Variants in UGT1A7 observed in about 807,000 individuals in gnomAD.
The protein encoded by UGT1A7 is UDP glucuronosyltransferase family 1 member A7.
Under a neutral mutation model 45.6 loss-of-function variants are expected in UGT1A7, and 33 were observed. The observed-to-expected ratio is 0.72, with a 90% confidence interval of 0.55 to 0.97. The LOEUF (loss-of-function observed/expected upper bound fraction) is 0.97, where lower values mean the gene tolerates loss of function less well. Ranked by LOEUF, UGT1A7 falls within the 50% of genes least tolerant of loss-of-function variation. UGT1A7 has a pLI of 0.00. For missense variants in UGT1A7, 684 were observed against 666.2 expected (o/e 1.03, Z -0.29); for synonymous variants, 274 against 250.6 (o/e 1.09, Z -0.88).
chr2:233,693,766 G>A (rs2075179392), intron 1 of UGT1A7: 8 of 1,614,122 alleles, frequency 5.0e-6, no homozygotes, highest in African/African-American at 1.3e-5. Context: ...CTGTTTGGCT[G>A]TTAAGATATG....
chr2:233,724,455 C>T lies in UGT1A7; in HGVS notation c.855+41663C>T, dbSNP rs528357739. The stretch of plus-strand genomic sequence containing the variant: ...CTCACTTCTCAGACAGGGCAGCTGC[C>T]GGGCGGAGGGGCTCCTCACTTCTCA... On this transcript the variant is annotated intron_variant, in intron 1 of 4. Transcript: ENST00000373426. Among the ~76,000 whole-genome samples, 1,260 of 127,892 alleles carry T rather than the reference C, an allele frequency of 9.9e-3. 63 individuals carry two copies. The highest frequency in any genetic ancestry group is 0.036 in the African/African-American group (1,175 of 32,784). 83.9% of individuals were successfully genotyped at this position (127,892 alleles called of 152,430 possible).
At chr2:233,689,794 G>A (rs867231935) in intron 1 of UGT1A7, 1 of 429,096 alleles carries the variant, frequency 2.3e-6, no homozygotes. Flanking sequence ...GATGTGATCT[G>A]TAGTTTCTAT....
rs116287140 is a variant in UGT1A7, at chr2:233,728,043, T to C, written c.856-38991T>C. 7.7e-3 allele frequency among the ~76,000 whole-genome samples: 1,172 copies of C among 152,330 alleles called. 16 individuals are homozygous for C. The highest frequency in any genetic ancestry group is 0.027 in the African/African-American group (1,131 of 41,566). On this transcript the variant is annotated intron_variant, in intron 1 of 4. Transcript: ENST00000373426. ...GTGACTTTCTGGAGTAGGATAAGCC[T>C]CATTGGGCTTGAGGCCCTTGTGAGT...
In UGT1A7 at chr2:233,745,466, G is replaced by A. The variant is rs190513469; in HGVS notation, c.856-21568G>A. On this transcript the variant is annotated intron_variant, in intron 1 of 4. Transcript: ENST00000373426. ...AGTAAAGGTCACTCAGTTCTAAGGG[G>A]AAAATGATTAACCAAAGAACATTCT... Among the ~76,000 whole-genome samples, 657 of 151,722 alleles carry A rather than the reference G, an allele frequency of 4.3e-3. 15 individuals carry two copies. Among genetic ancestry groups the A allele is most frequent in the Non-Finnish European group, 5.8e-3 (396 of 68,008 alleles).
At chr2:233,742,829 C>T (rs1399868443) in intron 1 of UGT1A7, 1 of 154,656 alleles carries the variant, frequency 6.5e-6, no homozygotes, top group Non-Finnish European at 1.4e-5. Context: ...TAGATTTCAC[C>T]ACTACACACT....
At chr2:233,688,018 A>G (rs1393583749) in intron 1 of UGT1A7, among the ~76,000 whole-genome samples, 7 of 152,374 alleles carry the variant, frequency 4.6e-5, no homozygotes, top group Non-Finnish European at 8.8e-5. Flanking sequence ...ACAATCAACC[A>G]TCACCAATAT....
chr2:233,729,942 CA>C, intron 1 of UGT1A7: 1 of 1,614,068 alleles, frequency 6.2e-7, no homozygotes, highest in Non-Finnish European at 8.5e-7. Context: ...TCATGCCCAA[CA>C]TGGTCTTCAT....
chr2:233,730,011 C>T (rs762436427), intron 1 of UGT1A7: 31 of 1,613,760 alleles, frequency 1.9e-5, no homozygotes, highest in Non-Finnish European at 2.4e-5. Flanking sequence ...TTGGTGCCTT[C>T]ATCCAATCAA....
chr2:233,700,401 A>G (rs1465367852), intron 1 of UGT1A7, among the ~76,000 whole-genome samples: 1 of 152,186 alleles, frequency 6.6e-6, no homozygotes, highest in Non-Finnish European at 1.5e-5. Flanking sequence ...ACATTTTGGC[A>G]GCAGTGTTTC....
At position 233,757,353 on chromosome 2, in the gene UGT1A7, G is replaced by A. The variant is rs373045458; in HGVS notation, c.856-9681G>A. The stretch of plus-strand genomic sequence containing the variant: ...GGGACCATGACAGCTGGGTCTGAGA[G>A]ACAGTGGTAGAAACATCCAGATTCA... On this transcript the variant is annotated intron_variant, in intron 1 of 4. Transcript: ENST00000373426. Among the ~76,000 whole-genome samples, 3 of 151,254 alleles carry A rather than the reference G, an allele frequency of 2.0e-5. No homozygotes were observed. The East Asian group carries it at 5.9e-4, about 30-fold the overall frequency.
intron 1 of UGT1A7, chr2:233,747,264 A>G (rs1440326311): frequency 6.9e-5 from 111 of 1,598,996 alleles, no homozygotes; most frequent in Non-Finnish European, 9.0e-5. Flanking sequence ...CAGGAGTGCT[A>G]CTCCTTCTCA....
intron 1 of UGT1A7, among the ~76,000 whole-genome samples, chr2:233,695,285 C>T (rs1269928207): frequency 6.6e-6 from 1 of 152,000 alleles, no homozygotes; most frequent in Non-Finnish European, 1.5e-5. Flanking sequence ...GCCACCATTC[C>T]CAGCTAATTT....
At chr2:233,692,833 A>G (rs2075116661) in intron 1 of UGT1A7, 2 of 1,445,564 alleles carry the variant, frequency 1.4e-6, no homozygotes, top group Non-Finnish European at 1.8e-6. Context: ...TGTGATTAAA[A>G]TGGTTAAATA....
At position 233,760,649 on chromosome 2, in the gene UGT1A7, C is replaced by T; in HGVS notation, c.856-6385C>T. The T allele has an allele frequency of 6.2e-7, 1 of 1,614,206 alleles. No individual in the cohort carries two copies. The highest frequency in any genetic ancestry group is 2.2e-5 in the East Asian group (1 of 44,882). On this transcript the variant is annotated intron_variant, in intron 1 of 4. Coordinates refer to ENST00000373426, the MANE Select transcript of UGT1A7 (RefSeq NM_019077.3). ...TACAAGAAAATAAAAAAGGACTCTG[C>T]TATGCTTTTGTCTGGCTGTTCCCAC...
intron 1 of UGT1A7, chr2:233,729,055 T>C (rs1328959185): frequency 6.2e-7 from 1 of 1,609,844 alleles, no homozygotes; most frequent in East Asian, 2.2e-5. Context: ...GACAAGGTAA[T>C]TAAGATGAAG....
chr2:233,726,371 C>T (rs1294856696), intron 1 of UGT1A7, among the ~76,000 whole-genome samples: 5 of 152,074 alleles, frequency 3.3e-5, no homozygotes, highest in Non-Finnish European at 2.9e-5. Context: ...ACAACAAAAA[C>T]CAAAATTGCT....
At chr2:233,700,633 T>C (rs2075577336) in intron 1 of UGT1A7, among the ~76,000 whole-genome samples, 1 of 152,220 alleles carries the variant, frequency 6.6e-6, no homozygotes, top group African/African-American at 2.4e-5. Context: ...TAAGATTTAA[T>C]GACTTTAAGT....
chr2:233,755,233 A>G (rs958383354), intron 1 of UGT1A7: 16 of 920,004 alleles, frequency 1.7e-5, no homozygotes, highest in Admixed American at 5.9e-5. Context: ...GACGAGGCCT[A>G]CCGGGGTACT....
intron 1 of UGT1A7, chr2:233,719,598 G>A (rs759062689): frequency 3.1e-6 from 5 of 1,613,992 alleles, no homozygotes; most frequent in Non-Finnish European, 2.5e-6. Flanking sequence ...GTTCCGAGGG[G>A]ACTTTGTGAT....
Sources: gnomAD v4.1 joint callset for allele counts (sites outside exome capture counted in the v4.1 genomes callset) on GRCh38, gnomAD v4.1.1 for gene constraint, MANE v1.5 for transcripts, NCBI Gene and HGNC (gene_info 2026-07-23, HGNC 2026-07-21) for gene names.